LZTFL1: variants seen among roughly 807,000 people sequenced by gnomAD.
LZTFL1 encodes leucine zipper transcription factor-like protein 1.
In LZTFL1, 25 loss-of-function variants were observed where a neutral mutation model predicts 45.9. That is an observed-to-expected ratio of 0.54 (90% CI 0.40 to 0.76). LZTFL1 has a LOEUF of 0.76. LZTFL1 is among the 30% of genes least tolerant of loss of function. The pLI, the probability that LZTFL1 is intolerant of heterozygous loss-of-function variation, is 0.00. For synonymous variants in LZTFL1, 93 were observed against 117.4 expected, an observed-to-expected ratio of 0.79 and a Z score of 1.35; for missense variants, 277 against 331.1, an observed-to-expected ratio of 0.84 and a Z score of 1.27.
At chr3:45,903,660 A>G (rs1702622319) in intron 2 of LZTFL1, among the ~76,000 whole-genome samples, 3 of 152,216 alleles carry the variant, frequency 2.0e-5, no homozygotes, top group African/African-American at 7.2e-5. Context: ...AAGTGAGCAG[A>G]CATGGGCAGC....
chr3:45,836,144 G>A (rs1700960932), intron 2 of LZTFL1, among the ~76,000 whole-genome samples: 1 of 152,100 alleles, frequency 6.6e-6, no homozygotes, highest in African/African-American at 2.4e-5. Flanking sequence ...GGAAGGCATA[G>A]TCTCATTTCT....
chr3:45,855,105 T>C (rs1220944847), intron 3 of LZTFL1: 23 of 1,340,014 alleles, frequency 1.7e-5, no homozygotes, highest in Non-Finnish European at 2.4e-5. Flanking sequence ...TTAAAAATTA[T>C]AAGTTGTATC....
intron 2 of LZTFL1, chr3:45,902,546 C>T (rs1702592016): frequency 1.2e-5 from 2 of 167,210 alleles, no homozygotes; most frequent in Non-Finnish European, 1.5e-5. Flanking sequence ...TGACCACACC[C>T]ACAAGGCATC....
intron 2 of LZTFL1, among the ~76,000 whole-genome samples, chr3:45,861,095 G>C (rs1701481195): frequency 6.6e-6 from 1 of 151,982 alleles, no homozygotes; most frequent in Non-Finnish European, 1.5e-5. Context: ...CTTAGGAGAG[G>C]CGATGGACAC....
At chr3:45,834,470 C>G in intron 3 of LZTFL1, 172 bp from the exon 4 acceptor site, 1 of 499,010 alleles carries the variant, frequency 2.0e-6, no homozygotes, top group Non-Finnish European at 3.6e-6. Context: ...GAACCTAAAC[C>G]ACATGGACTC....
intron 5 of LZTFL1, 102 bp downstream of exon 5, chr3:45,832,948 T>C (rs1700869665): frequency 7.3e-6 from 6 of 825,476 alleles, no homozygotes; most frequent in Admixed American, 6.2e-5. Flanking sequence ...GGACTAATTA[T>C]CCTCAGAGGA....
At chr3:45,848,444 G>T (rs183656075) in intron 4 of LZTFL1, among the ~76,000 whole-genome samples, 1 of 152,312 alleles carries the variant, frequency 6.6e-6, no homozygotes, top group African/African-American at 2.4e-5. Context: ...GTTATTTAAG[G>T]CTTACAGTAT....
At chr3:45,913,221 G>A in intron 1 of LZTFL1, 1 of 1,369,544 alleles carries the variant, frequency 7.3e-7, no homozygotes, top group African/African-American at 1.4e-5. Context: ...TGCTACTATT[G>A]TTACTATTAA....
intron 2 of LZTFL1, among the ~76,000 whole-genome samples, chr3:45,837,060 C>T (rs1700984272): frequency 6.6e-6 from 1 of 152,170 alleles, no homozygotes; most frequent in Non-Finnish European, 1.5e-5. Context: ...TCAAGCAAGA[C>T]CCAGTTACAC....
At chr3:45,881,073 A>C (rs1366838624) in intron 2 of LZTFL1, among the ~76,000 whole-genome samples, 1 of 152,230 alleles carries the variant, frequency 6.6e-6, no homozygotes, top group Non-Finnish European at 1.5e-5. Context: ...ACAAATAAAA[A>C]TAAAAAATCC....
intron 4 of LZTFL1, among the ~76,000 whole-genome samples, chr3:45,850,985 A>G (rs17078371): frequency 0.029 from 4,435 of 152,100 alleles, 233 homozygotes; most frequent in African/African-American, 0.1. Flanking sequence ...CTGATACATG[A>G]CCCACATAGC....
chr3:45,866,288 G>A (rs1484161812), intron 2 of LZTFL1, among the ~76,000 whole-genome samples: 4 of 152,128 alleles, frequency 2.6e-5, no homozygotes, highest in African/African-American at 4.8e-5. Context: ...TTTATAGTGC[G>A]CTAATCATAA....
rs1157003215 is a variant in LZTFL1 at position 45,900,306 on chromosome 3, C to T, written c.-215+12814G>A. On this transcript the variant is annotated intron_variant, in intron 2 of 4. Coordinates refer to the LZTFL1 transcript ENST00000472635. This position sits in a 1 kb window ranked among gnomAD's most constrained non-coding sequence, Gnocchi z 4.7. ...GTATGTGGGTGTATGCTGGTGCTCC[C>T]GGAGCTTTCAGGAAACTCAGGGGAC... Among the ~76,000 whole-genome samples the T allele has an allele frequency of 6.6e-6, 1 of 151,964 alleles. No homozygotes were observed. Among genetic ancestry groups the T allele is most frequent in the African/African-American group, 2.4e-5 (1 of 41,374 alleles).
intron 7 of LZTFL1, among the ~76,000 whole-genome samples, chr3:45,829,889 G>A (rs1700771489): frequency 6.6e-6 from 1 of 152,124 alleles, no homozygotes; most frequent in East Asian, 1.9e-4. Context: ...TATTGTCATT[G>A]GCATATAATG....
intron 2 of LZTFL1, among the ~76,000 whole-genome samples, chr3:45,908,945 T>C (rs1384730988): frequency 1.3e-5 from 2 of 152,174 alleles, no homozygotes; most frequent in Non-Finnish European, 2.9e-5. Flanking sequence ...TCTGTATTTA[T>C]AGCTGCTCCC....
intron 2 of LZTFL1, chr3:45,895,217 A>G (rs1025722230): frequency 3.4e-5 from 18 of 532,490 alleles, no homozygotes; most frequent in Middle Eastern, 9.9e-4. Flanking sequence ...ATTTTTAACC[A>G]TCTTTAACTA....
chr3:45,841,581 AC>A (rs1172399876), intron 1 of LZTFL1: 3 of 196,164 alleles, frequency 1.5e-5, no homozygotes, highest in Non-Finnish European at 2.1e-5. Context: ...CTGAGTGAGA[AC>A]CCTGCGTATG....
intron 2 of LZTFL1, among the ~76,000 whole-genome samples, chr3:45,884,567 TCTC>T (rs927361169): frequency 6.6e-6 from 1 of 151,920 alleles, no homozygotes; most frequent in Admixed American, 6.6e-5. Context: ...ATTTACCCCT[TCTC>T]CTCTTCCCTG....
At chr3:45,859,754 A>G (rs2125708143) in intron 2 of LZTFL1, among the ~76,000 whole-genome samples, 1 of 150,852 alleles carries the variant, frequency 6.6e-6, no homozygotes, top group South Asian at 2.1e-4. Flanking sequence ...CTCATGCCTC[A>G]GCCTCCCAAG....
Sources: allele counts gnomAD v4.1 joint callset (sites outside exome capture counted in the v4.1 genomes callset), GRCh38; gene constraint gnomAD v4.1.1; non-coding constraint Gnocchi (gnomAD v3.1); transcripts MANE v1.5; gene names NCBI Gene and HGNC (gene_info 2026-07-23, HGNC 2026-07-21).